MROH2A: variants seen among roughly 807,000 people sequenced by gnomAD.
MROH2A encodes the protein maestro heat-like repeat-containing protein family member 2A.
A neutral mutation model predicts 200.4 loss-of-function variants in MROH2A; 174 were observed. That is an observed-to-expected ratio of 0.87 (90% CI 0.77 to 0.98). The LOEUF (loss-of-function observed/expected upper bound fraction) is 0.98. Among genes scored for constraint, MROH2A ranks in the 50% least tolerant of loss-of-function variants. The probability of loss-of-function intolerance (pLI) is 0.00; values close to 1 mark genes in which losing one functional copy is unlikely to be tolerated. For synonymous variants in MROH2A, 829 were observed against 840.4 expected (o/e 0.99, Z 0.23); for missense variants, 2,045 against 2,139.6 (o/e 0.96, Z 0.87).
chr2:233,831,888 G>A (rs1338491083), intron 39 of MROH2A, among the ~76,000 whole-genome samples: 5 of 152,302 alleles, frequency 3.3e-5, no homozygotes, highest in African/African-American at 1.2e-4. Flanking sequence ...TTAAAACCCA[G>A]GGGGCACTTT....
At position 233,826,464 on chromosome 2, in the gene MROH2A, A is replaced by G. The variant is rs544049198; in HGVS notation, c.4114-2166A>G. On this transcript the variant is annotated intron_variant, in intron 35 of 41. Transcript: ENST00000389758. The stretch of plus-strand genomic sequence containing the variant: ...TTGGACAAACCTGACAAAAACAAGC[A>G]ATGGGGAAAGGATTCCATATTTAAA... Among the ~76,000 whole-genome samples, 4 of 152,352 alleles carry G rather than the reference A, an allele frequency of 2.6e-5. No homozygotes were observed. The South Asian group carries it at 8.3e-4, about 32-fold the overall frequency.
intron 41 of MROH2A, 96 bp downstream of exon 41, chr2:233,832,740 T>C: frequency 6.7e-6 from 5 of 743,152 alleles, no homozygotes; most frequent in Non-Finnish European, 1.1e-5. Flanking sequence ...CAGAGGACCC[T>C]TTGCTGTGGG....
chr2:233,788,263 GTAATAATAA>G (rs71973977), intron 3 of MROH2A, among the ~76,000 whole-genome samples: 1,580 of 128,386 alleles, frequency 0.012, 18 homozygotes, highest in African/African-American at 0.026. Context: ...GTCCTTGGGA[GTAATAATAA>G]TAATAATAAT....
chr2:233,804,097 T>C lies in MROH2A; in HGVS notation c.1796T>C (p.Met599Thr). The change falls in exon 17 of 42, where the codon ATG becomes ACG. Residue 599 changes from methionine to threonine, a missense_variant. Coordinates refer to ENST00000389758, the MANE Select transcript of MROH2A (RefSeq NM_001394639.1). ...AAGGGGGAGGGTCGTGGGATAGCCA[T>C]GCTCAACCTCTTGAGGACCCTGAGC... ...PYKGEGRGIA[M>T]LNLLRTLSQS... 2.6e-6 allele frequency: 4 copies of C among 1,550,528 alleles called. No individual in the cohort carries two copies. Among genetic ancestry groups the C allele is most frequent in the East Asian group, 2.4e-5 (1 of 40,906 alleles).
rs1209378680 is a variant in MROH2A at position 233,800,213 on chromosome 2, C to T, written c.1458C>T (p.Arg486=). 3.9e-6 allele frequency: 6 copies of T among 1,547,840 alleles called. No homozygotes were observed. The highest frequency in any genetic ancestry group is 2.7e-5 in the African/African-American group (2 of 72,888). ...LTLSTYKLTN[R]REKFYQRDLE... Reference sequence around the variant, plus strand: ...TTGGTTCTTTCTTCCAGACAAATCGCCGGGAGAAGTTTTATCAGAGGGACT... The same window carrying T: ...TTGGTTCTTTCTTCCAGACAAATCGTCGGGAGAAGTTTTATCAGAGGGACT... The change falls in exon 14 of 42, where the codon CGC becomes CGT. Residue 486 remains arginine, a synonymous_variant. Transcript: ENST00000389758.
intron 25 of MROH2A, among the ~76,000 whole-genome samples, 160 bp from the exon 26 acceptor site, chr2:233,814,422 T>A (rs539162362): frequency 6.6e-6 from 1 of 152,314 alleles, no homozygotes. Context: ...TCTTAAATGG[T>A]TGTCTTGTAC....
At chr2:233,801,165 A>G (rs997600359) in intron 14 of MROH2A, among the ~76,000 whole-genome samples, 2 of 152,232 alleles carry the variant, frequency 1.3e-5, no homozygotes, top group Non-Finnish European at 2.9e-5. Context: ...CTGGTAAACA[A>G]TAGATCCAGG....
rs1443815072 is a variant in MROH2A, at chr2:233,807,827, A to G, written c.2267A>G (p.Glu756Gly). The G allele has an allele frequency of 3.2e-6, 5 of 1,551,014 alleles. No individual in the cohort carries two copies. The highest frequency in any genetic ancestry group is 2.4e-5 in the South Asian group (2 of 84,062). ...TTCGAGGAGAGGATCCAGGAGTCAG[A>G]GCAGTCCTGGCAGATCAGTGCTTGG... ...HDFEERIQES[E>G]QSWQISAWRK... The change falls in exon 21 of 42, where the codon GAG (glutamate) becomes GGG (glycine). Residue 756 changes from glutamate to glycine, a missense_variant. By Grantham distance (98) the Glu-to-Gly change is moderately conservative. Around this residue, in one of 3 missense-constraint regions of MROH2A, gnomAD observed 1,201 missense variants for 1,311.3 expected, o/e 0.92. Coordinates refer to ENST00000389758, the MANE Select transcript of MROH2A (RefSeq NM_001394639.1). The surrounding 1 kb of genome is among the most constrained non-coding windows in gnomAD (Gnocchi z 4.3).
rs761552601 is a variant in MROH2A, at chr2:233,829,020, T to G, written c.4394T>G (p.Val1465Gly). The G allele has an allele frequency of 6.5e-7, 1 of 1,549,762 alleles. No homozygotes were observed. Among genetic ancestry groups the G allele is most frequent in the Non-Finnish European group, 8.7e-7 (1 of 1,146,674 alleles). The change falls in exon 37 of 42, where the codon GTG becomes GGG. Residue 1465 changes from valine (V) to glycine (G), a missense_variant. Physicochemically the swap from Val to Gly is moderately radical, Grantham distance 109. This residue lies in a region of MROH2A where 1,201 missense variants were observed against 1,311.3 expected (regional missense o/e 0.92). Coordinates refer to ENST00000389758, the MANE Select transcript of MROH2A (RefSeq NM_001394639.1). The stretch of plus-strand genomic sequence containing the variant: ...CTGGCTGAGCTCCGGGAAGGGGATG[T>G]GGGGTCCTCTTTCGACGCCATGTCT... The part of the protein sequence containing the change: ...KILAELREGD[V>G]GSSFDAMSEQ...
chr2:233,825,668 A>G (rs1279940935), intron 35 of MROH2A, among the ~76,000 whole-genome samples: 2 of 152,210 alleles, frequency 1.3e-5, no homozygotes, highest in Non-Finnish European at 2.9e-5. Context: ...AATGAAGGCT[A>G]CTTGATCGTG....
intron 21 of MROH2A, 84 bp from the exon 22 acceptor site, chr2:233,809,042 T>G: frequency 6.9e-7 from 1 of 1,447,350 alleles, no homozygotes; most frequent in Non-Finnish European, 9.3e-7. Flanking sequence ...AATGGATCCT[T>G]TGGTTGTGTG....
chr2:233,784,867 A>C (rs987701750), intron 3 of MROH2A, among the ~76,000 whole-genome samples: 3 of 152,190 alleles, frequency 2.0e-5, no homozygotes, highest in Non-Finnish European at 4.4e-5. Flanking sequence ...TAAAAAATGT[A>C]GGCCAGGCGC....
chr2:233,789,653 C>T, intron 4 of MROH2A, 25 bp downstream of exon 4: 1 of 1,450,058 alleles, frequency 6.9e-7, no homozygotes, highest in Middle Eastern at 2.0e-4. Flanking sequence ...TCCATCGGTG[C>T]CTTCCCTCTG....
chr2:233,822,781 C>A, intron 33 of MROH2A, 100 bp from the exon 34 acceptor site: 2 of 1,430,698 alleles, frequency 1.4e-6, no homozygotes, highest in South Asian at 1.3e-5. Context: ...TTGGGCTGGG[C>A]CCGGCAGGCA....
intron 29 of MROH2A, 24 bp downstream of exon 29, chr2:233,818,794 G>C (rs1162284296): frequency 6.9e-7 from 1 of 1,455,488 alleles, no homozygotes; most frequent in East Asian, 2.5e-5. Context: ...AGCCTGCCTG[G>C]GCTGCCAGGC....
At chr2:233,788,938 CAAAAAAAAAAAAAA>C (rs56084976) in intron 3 of MROH2A, among the ~76,000 whole-genome samples, 11 of 47,466 alleles carry the variant, frequency 2.3e-4, no homozygotes, top group Non-Finnish European at 1.4e-4. Context: ...GACTCCGTCT[CAAAAAAAAAAAAAA>C]AAAAAAAAAA....
chr2:233,802,017 GGCGGTGGA>G, intron 14 of MROH2A, 143 bp from the exon 15 acceptor site: 1 of 811,332 alleles, frequency 1.2e-6, no homozygotes, highest in Non-Finnish European at 1.8e-6. Flanking sequence ...GACTGGATTT[GGCGGTGGA>G]GCCAGTTCAG....
At chr2:233,783,317 T>C (rs891980069) in intron 3 of MROH2A, among the ~76,000 whole-genome samples, 1 of 152,188 alleles carries the variant, frequency 6.6e-6, no homozygotes, top group Non-Finnish European at 1.5e-5. Context: ...ATTTAATGTT[T>C]GGTAGAATTC....
chr2:233,812,083 C>G (rs769691880), intron 24 of MROH2A, 124 bp downstream of exon 24: 1 of 695,676 alleles, frequency 1.4e-6, no homozygotes, highest in Non-Finnish European at 2.5e-6. Flanking sequence ...AGGGGTCTCA[C>G]TTGGAGGCTC....
Sources: gnomAD v4.1 joint callset for allele counts (sites outside exome capture counted in the v4.1 genomes callset) on GRCh38, gnomAD v4.1.1 for gene constraint, gnomAD v4.1.1 regional missense constraint, Gnocchi (gnomAD v3.1) non-coding constraint, MANE v1.5 for transcripts, NCBI Gene and HGNC (gene_info 2026-07-23, HGNC 2026-07-21) for gene names.